NDUFV2: variants seen among roughly 807,000 people sequenced by gnomAD.
NDUFV2 encodes the protein NADH:ubiquinone oxidoreductase core subunit V2.
In NDUFV2, 18 loss-of-function variants were observed where a neutral mutation model predicts 31.6. That is an observed-to-expected ratio of 0.57 (90% CI 0.39 to 0.84). NDUFV2 has a LOEUF of 0.84. Ranked by LOEUF, NDUFV2 falls within the 40% of genes least tolerant of loss-of-function variation. The pLI is 0.00. For missense variants in NDUFV2, 314 were observed against 303.6 expected (o/e 1.03, Z -0.26); for synonymous variants, 83 against 99.8 (o/e 0.83, Z 1.01).
chr18:9,126,991 C>T (rs1170722776), intron 7 of NDUFV2, 84 bp downstream of exon 7: 3 of 1,074,794 alleles, frequency 2.8e-6, no homozygotes, highest in Middle Eastern at 2.5e-4. Context: ...AATTTTATAC[C>T]TTAAGTTCAT....
chr18:9,103,339 C>G, intron 1 of NDUFV2: 1 of 391,256 alleles, frequency 2.6e-6, no homozygotes, highest in Non-Finnish European at 4.5e-6. Context: ...CAAACTAACT[C>G]TGAAAGAACG....
At chr18:9,120,965 A>AAATAAGAC (rs1485788289) in intron 4 of NDUFV2, among the ~76,000 whole-genome samples, 1 of 152,230 alleles carries the variant, frequency 6.6e-6, no homozygotes, top group Non-Finnish European at 1.5e-5. Flanking sequence ...AACATTTAAA[A>AAATAAGAC]AATAAGACAG....
At chr18:9,119,411 A>T (rs1568191147) in intron 3 of NDUFV2, 23 bp downstream of exon 3, 1 of 1,599,918 alleles carries the variant, frequency 6.3e-7, no homozygotes. Context: ...TAACATTATA[A>T]TTAATTTACC....
Position 9,117,823 on chromosome 18 carries a change from A to T in NDUFV2, c.55-15A>T. 2.7e-5 allele frequency: 39 copies of T among 1,448,580 alleles called. No homozygotes were observed. Among genetic ancestry groups the T allele is most frequent in the Non-Finnish European group, 3.1e-5 (32 of 1,030,536 alleles). The allele number at this position is 1,448,580 out of a possible 1,614,324, so 89.7% of individuals were successfully genotyped here. ...GCTATGATTTACTAAACTTTCTTAA[A>T]ATTTTAAATTTTAGGGAAGACATGT... On this transcript the variant is annotated splice_polypyrimidine_tract_variant and intron_variant, in intron 1 of 7. Transcript: ENST00000318388.
At chr18:9,109,066 C>T (rs1019543436) in intron 1 of NDUFV2, among the ~76,000 whole-genome samples, 9 of 152,112 alleles carry the variant, frequency 5.9e-5, no homozygotes, top group Admixed American at 3.9e-4. Flanking sequence ...TAGGAGGTTT[C>T]AGTTTTCTTG....
intron 1 of NDUFV2, among the ~76,000 whole-genome samples, chr18:9,113,867 A>G (rs1268871014): frequency 6.6e-6 from 1 of 152,174 alleles, no homozygotes; most frequent in African/African-American, 2.4e-5. Flanking sequence ...TGTTGGAGAC[A>G]AGAGTCTTGC....
intron 7 of NDUFV2, among the ~76,000 whole-genome samples, chr18:9,132,624 C>G (rs1262915222): frequency 6.6e-6 from 1 of 152,136 alleles, no homozygotes; most frequent in Non-Finnish European, 1.5e-5. Flanking sequence ...CCTGTAATCC[C>G]AGCACTTTGG....
intron 7 of NDUFV2, among the ~76,000 whole-genome samples, chr18:9,131,442 T>TA (rs1369059449): frequency 2.6e-5 from 4 of 152,266 alleles, no homozygotes; most frequent in Admixed American, 6.5e-5. Context: ...TTCAGGTTAC[T>TA]AATAGGTAGA....
At chr18:9,129,680 G>A (rs1266461954) in intron 7 of NDUFV2, among the ~76,000 whole-genome samples, 3 of 152,194 alleles carry the variant, frequency 2.0e-5, no homozygotes, top group Admixed American at 6.5e-5. Context: ...CAATGTTCCA[G>A]GGAGGGGAAA....
Position 9,124,880 on chromosome 18 carries a change from A to C in NDUFV2, c.476A>C (p.Lys159Thr). ...LEAIQKKLGI[K>T]VGETTPDKLF... ...TGTTTATTTGTATTTTTAGGAATAA[A>C]GGTTGGGGAGACTACACCTGACAAA... Residue 159 changes from lysine to threonine, a missense_variant, in exon 6 of 8, where the codon AAG becomes ACG. Physicochemically the swap from Lys to Thr is moderately conservative, Grantham distance 78. Transcript: ENST00000318388. The C allele has an allele frequency of 6.2e-7, 1 of 1,611,490 alleles. No individual in the cohort carries two copies. Among genetic ancestry groups the C allele is most frequent in the Non-Finnish European group, 8.5e-7 (1 of 1,178,838 alleles).
In NDUFV2 at chr18:9,133,897, A is replaced by T. The variant is rs564284658; in HGVS notation, c.657-289A>T. On this transcript the variant is annotated intron_variant, in intron 7 of 7. Coordinates refer to ENST00000318388, the MANE Select transcript of NDUFV2 (RefSeq NM_021074.5). ...AAGCCAGTATCACTTGTCTTGTGGCATCGTAAGGATTCAATGAGCTAGTGT... is the reference window on the plus strand; with the variant it reads ...AAGCCAGTATCACTTGTCTTGTGGCTTCGTAAGGATTCAATGAGCTAGTGT... Among the ~76,000 whole-genome samples, 9 of 152,308 alleles carry T rather than the reference A, an allele frequency of 5.9e-5. No individual in the cohort carries two copies. In the East Asian group the frequency reaches 1.7e-3, roughly 29 times the overall value.
chr18:9,129,994 GAGA>G (rs1229113688), intron 7 of NDUFV2, among the ~76,000 whole-genome samples: 9 of 152,262 alleles, frequency 5.9e-5, no homozygotes, highest in African/African-American at 4.8e-5. Flanking sequence ...ACCGAAAATA[GAGA>G]AGATTTGTGG....
chr18:9,134,045 A>G, intron 7 of NDUFV2, 141 bp from the exon 8 acceptor site: 1 of 606,058 alleles, frequency 1.7e-6, no homozygotes, highest in Non-Finnish European at 3.0e-6. Flanking sequence ...CATCAGTTGA[A>G]ATGTTTGAAT....
At chr18:9,126,237 TAAC>T (rs1233277376) in intron 6 of NDUFV2, among the ~76,000 whole-genome samples, 1 of 152,226 alleles carries the variant, frequency 6.6e-6, no homozygotes, top group Non-Finnish European at 1.5e-5. Context: ...GGCATCTACT[TAAC>T]AAGTTACTAC....
At chr18:9,130,437 T>G (rs2078030205) in intron 7 of NDUFV2, among the ~76,000 whole-genome samples, 1 of 152,210 alleles carries the variant, frequency 6.6e-6, no homozygotes, top group Admixed American at 6.5e-5. Context: ...CTTTTTTTAC[T>G]TACTACCTCT....
intron 1 of NDUFV2, among the ~76,000 whole-genome samples, chr18:9,110,467 G>C (rs1598342261): frequency 6.6e-6 from 1 of 152,196 alleles, no homozygotes; most frequent in East Asian, 1.9e-4. Context: ...AGATTTATCA[G>C]TTTATCTTCA....
rs1167740793 is a variant in NDUFV2, at chr18:9,133,089, G to T, written c.657-1097G>T. 3.9e-5 allele frequency among the ~76,000 whole-genome samples: 6 copies of T among 152,192 alleles called. No homozygotes were observed. In the East Asian group the frequency reaches 1.2e-3, roughly 29 times the overall value. On this transcript the variant is annotated intron_variant, in intron 7 of 7. Transcript: ENST00000318388. ...ATAATTGTTCATTACTTAGTAACTT[G>T]TATTATATGCTGTGACATCTTGAAA...
At chr18:9,126,311 C>T (rs1277757934) in intron 6 of NDUFV2, among the ~76,000 whole-genome samples, 4 of 152,168 alleles carry the variant, frequency 2.6e-5, no homozygotes, top group Admixed American at 2.6e-4. Context: ...TGTACGTTGA[C>T]ACTGTTCTAC....
chr18:9,103,310 C>G (rs2077824517), intron 1 of NDUFV2: 1 of 395,712 alleles, frequency 2.5e-6, no homozygotes, highest in Non-Finnish European at 4.4e-6. Context: ...ATCGGAAATG[C>G]TGGCTAAATA....
Sources: gnomAD v4.1 joint callset for allele counts (sites outside exome capture counted in the v4.1 genomes callset) on GRCh38, gnomAD v4.1.1 for gene constraint, MANE v1.5 for transcripts, NCBI Gene and HGNC (gene_info 2026-07-23, HGNC 2026-07-21) for gene names.